The following GAB1 variants were observed in gnomAD, a reference collection of about 807,000 sequenced individuals.
The protein encoded by GAB1 is GRB2-associated-binding protein 1.
Under a neutral mutation model 66.5 loss-of-function variants are expected in GAB1, and 19 were observed. That is an observed-to-expected ratio of 0.29 (90% CI 0.20 to 0.42). The LOEUF is 0.42. Ranked by LOEUF, GAB1 falls within the 10% of genes least tolerant of loss-of-function variation. GAB1 has a pLI of 1.00. For missense variants in GAB1, 732 were observed against 858.5 expected, an observed-to-expected ratio of 0.85 and a Z score of 1.84; for synonymous variants, 294 against 301.4, an observed-to-expected ratio of 0.98 and a Z score of 0.25.
At position 143,466,203 on chromosome 4, in the gene GAB1, G is replaced by A. The variant is rs749694713; in HGVS notation, c.1904G>A (p.Gly635Glu). The A allele has an allele frequency of 6.2e-7, 1 of 1,613,654 alleles. No homozygotes were observed. Among genetic ancestry groups the A allele is most frequent in the Non-Finnish European group, 8.5e-7 (1 of 1,179,758 alleles). Reference protein sequence around the residue: ...VEYLDLDLDSGKSTPPRKQKS... With the variant: ...VEYLDLDLDSEKSTPPRKQKS... ...TACTTAGATCTCGACTTAGATTCTGGGAAATCCACACCACCACGTAAGGTG... is the reference window on the plus strand; with the variant it reads ...TACTTAGATCTCGACTTAGATTCTGAGAAATCCACACCACCACGTAAGGTG... Residue 635 changes from glycine (G) to glutamate (E), a missense_variant, in exon 9 of 10, where the codon GGG becomes GAG. By Grantham distance (98) the Gly-to-Glu change is moderately conservative (BLOSUM62 -2). Transcript: ENST00000262994.
intron 1 of GAB1, among the ~76,000 whole-genome samples, chr4:143,403,458 C>A (rs1363533796): frequency 6.6e-6 from 1 of 152,068 alleles, no homozygotes; most frequent in Non-Finnish European, 1.5e-5. Context: ...GGGCAAAACA[C>A]CATAAAATGG....
intron 1 of GAB1, among the ~76,000 whole-genome samples, chr4:143,410,382 C>T (rs1242744213): frequency 6.6e-6 from 1 of 152,146 alleles, no homozygotes; most frequent in African/African-American, 2.4e-5. Flanking sequence ...AACGTTACAG[C>T]CATATAGGCA....
intron 9 of GAB1, among the ~76,000 whole-genome samples, chr4:143,466,501 T>C (rs1439963655): frequency 7.1e-5 from 10 of 141,810 alleles, no homozygotes; most frequent in Non-Finnish European, 1.2e-4. Flanking sequence ...TTTTTTTTTT[T>C]TTTTTTGAGA....
intron 1 of GAB1, among the ~76,000 whole-genome samples, chr4:143,411,594 C>T (rs1450739655): frequency 6.6e-6 from 1 of 152,134 alleles, no homozygotes; most frequent in African/African-American, 2.4e-5. Flanking sequence ...TCTGGAGCTA[C>T]CAAGGCAGCA....
chr4:143,393,391 G>A (rs2149689328), intron 1 of GAB1, among the ~76,000 whole-genome samples: 1 of 152,262 alleles, frequency 6.6e-6, no homozygotes, highest in South Asian at 2.1e-4. Flanking sequence ...GGCTCTGGGT[G>A]AGGCCAGACT....
chr4:143,418,839 C>T (rs1732850379), intron 2 of GAB1, among the ~76,000 whole-genome samples: 1 of 152,124 alleles, frequency 6.6e-6, no homozygotes, highest in Admixed American at 6.6e-5. Flanking sequence ...ATTTTTAATT[C>T]TCAAGTGTCT....
chr4:143,415,818 A>G (rs745667945), intron 2 of GAB1, 47 bp downstream of exon 2: 1 of 1,349,122 alleles, frequency 7.4e-7, no homozygotes, highest in South Asian at 1.4e-5. Flanking sequence ...CTTTTCTGCT[A>G]CATTTCCAGA....
At chr4:143,397,404 C>T (rs1731504320) in intron 1 of GAB1, among the ~76,000 whole-genome samples, 1 of 152,036 alleles carries the variant, frequency 6.6e-6, no homozygotes, top group South Asian at 2.1e-4. Context: ...TTGAGTAGCC[C>T]ATTTTGCTCT....
chr4:143,429,804 A>C (rs887240443), intron 2 of GAB1, among the ~76,000 whole-genome samples: 2 of 152,246 alleles, frequency 1.3e-5, no homozygotes, highest in Admixed American at 6.5e-5. Flanking sequence ...CATTGATGCA[A>C]ACAACCATAT....
chr4:143,337,770 T>C (rs1728708969), intron 1 of GAB1, among the ~76,000 whole-genome samples: 1 of 151,380 alleles, frequency 6.6e-6, no homozygotes, highest in Non-Finnish European at 1.5e-5. Context: ...AGCTGAGGAG[T>C]TGGTAGTAGA....
intron 1 of GAB1, among the ~76,000 whole-genome samples, chr4:143,405,895 G>A (rs1166039858): frequency 6.6e-6 from 1 of 152,000 alleles, no homozygotes; most frequent in Admixed American, 6.6e-5. Flanking sequence ...AAATGGAAAA[G>A]ATGAGTTTCT....
chr4:143,370,722 C>T (rs1156321979), intron 1 of GAB1, among the ~76,000 whole-genome samples: 1 of 152,122 alleles, frequency 6.6e-6, no homozygotes, highest in Non-Finnish European at 1.5e-5. Flanking sequence ...CAACAGGCCC[C>T]GGGGTGTGAT....
At chr4:143,408,576 T>C (rs937207527) in intron 1 of GAB1, among the ~76,000 whole-genome samples, 2 of 152,214 alleles carry the variant, frequency 1.3e-5, no homozygotes, top group African/African-American at 4.8e-5. Context: ...GCATTGCTCA[T>C]GTATATATAT....
chr4:143,460,355 T>C lies in GAB1; in HGVS notation c.1680-9T>C. 6.2e-7 allele frequency: 1 copy of C among 1,613,358 alleles called. No homozygotes were observed. Among genetic ancestry groups the C allele is most frequent in the Non-Finnish European group, 8.5e-7 (1 of 1,179,486 alleles). On this transcript the variant is annotated splice_polypyrimidine_tract_variant and intron_variant, in intron 7 of 9. Transcript: ENST00000262994. ...GGCTTATGTTTGTGATGATAATTTC[T>C]GTAATTAGCTCTTCCAGGTTTCCCA... is the stretch of plus-strand genomic sequence containing the variant.
At chr4:143,405,371 C>T (rs998232192) in intron 1 of GAB1, among the ~76,000 whole-genome samples, 1 of 152,154 alleles carries the variant, frequency 6.6e-6, no homozygotes, top group Non-Finnish European at 1.5e-5. Context: ...GGCACGGTTT[C>T]AGTCCCAGGG....
At chr4:143,460,731 T>C (rs1211958753) in intron 8 of GAB1, among the ~76,000 whole-genome samples, 1 of 151,550 alleles carries the variant, frequency 6.6e-6, no homozygotes, top group African/African-American at 2.4e-5. Flanking sequence ...CCCTGTAGTT[T>C]CAGCTATTTG....
intron 1 of GAB1, among the ~76,000 whole-genome samples, chr4:143,364,144 C>A (rs890493604): frequency 6.0e-5 from 9 of 149,608 alleles, no homozygotes; most frequent in Non-Finnish European, 1.2e-4. Flanking sequence ...GCTGAGACCA[C>A]ACCATTGCAC....
intron 1 of GAB1, among the ~76,000 whole-genome samples, chr4:143,390,099 C>T (rs1476758230): frequency 1.3e-5 from 2 of 152,176 alleles, no homozygotes; most frequent in African/African-American, 4.8e-5. Context: ...TCCAGTATTT[C>T]ATAGTGCTGG....
intron 2 of GAB1, among the ~76,000 whole-genome samples, chr4:143,416,870 C>T (rs549082534): frequency 6.6e-6 from 1 of 152,306 alleles, no homozygotes; most frequent in East Asian, 1.9e-4. Flanking sequence ...TCAAGGTCAT[C>T]GCCAAGGTCT....
Sources: allele counts gnomAD v4.1 joint callset (sites outside exome capture counted in the v4.1 genomes callset), GRCh38; gene constraint gnomAD v4.1.1; transcripts MANE v1.5; gene names NCBI Gene and HGNC (gene_info 2026-07-23, HGNC 2026-07-21).